The following NPLOC4 variants were observed in gnomAD, a reference collection of about 807,000 sequenced individuals.
NPLOC4 encodes NPL4 homolog, ubiquitin recognition factor, also known as nuclear protein localization protein 4 homolog.
NPLOC4 carries 18 observed loss-of-function variants against 80.6 expected under a neutral mutation model. The observed-to-expected ratio is 0.22, with a 90% CI of 0.15 to 0.33. NPLOC4 has a LOEUF of 0.33. NPLOC4 is among the 10% of genes least tolerant of loss of function. NPLOC4 has a pLI of 1.00. For missense variants in NPLOC4, 540 were observed against 786.1 expected (o/e 0.69, Z 3.74); for synonymous variants, 313 against 301.5 (o/e 1.04, Z -0.39).
At position 81,569,116 on chromosome 17, in the gene NPLOC4, T is replaced by G; in HGVS notation, c.1354-5A>C. 1 of 1,597,406 alleles carries G rather than the reference T, an allele frequency of 6.3e-7. No homozygotes were observed. Among genetic ancestry groups the G allele is most frequent in the Non-Finnish European group, 8.6e-7 (1 of 1,164,972 alleles). On this transcript the variant is annotated splice_polypyrimidine_tract_variant and splice_region_variant and intron_variant, in intron 13 of 16. Coordinates refer to ENST00000331134, the MANE Select transcript of NPLOC4 (RefSeq NM_017921.4). ...CTTGGGGAAAGTTGTTGTGATCTAA[T>G]GAAGAAAAACACAAACCCATGATAA...
At chr17:81,579,239 G>A (rs916142265) in intron 12 of NPLOC4, among the ~76,000 whole-genome samples, 2 of 152,200 alleles carry the variant, frequency 1.3e-5, no homozygotes, top group Admixed American at 6.5e-5. Flanking sequence ...TTAGCTGGGC[G>A]TGGTGGTGGG....
intron 12 of NPLOC4, among the ~76,000 whole-genome samples, chr17:81,575,807 G>A (rs968195709): frequency 6.6e-6 from 1 of 152,184 alleles, no homozygotes; most frequent in African/African-American, 2.4e-5. Flanking sequence ...TCCACCGCAA[G>A]GGAAGATGCA....
At chr17:81,601,636 TTCGAAAAGCAGCA>T (rs1398063697) in intron 8 of NPLOC4, among the ~76,000 whole-genome samples, 2 of 152,162 alleles carry the variant, frequency 1.3e-5, no homozygotes, top group Non-Finnish European at 2.9e-5. Flanking sequence ...TACTGTGTGC[TTCGAAAAGCAGCA>T]TCCTGAGTAC....
chr17:81,596,094 G>C (rs1219492943), intron 11 of NPLOC4, 22 bp downstream of exon 11: 1 of 1,610,092 alleles, frequency 6.2e-7, no homozygotes, highest in African/African-American at 1.3e-5. Flanking sequence ...AATATTTACA[G>C]TACATACTGT....
rs376812039 is a variant in NPLOC4 at position 81,627,508 on chromosome 17, G to A, written c.96+2217C>T. Reference sequence around the variant, plus strand: ...TAACCCCAGCACTTTGGGAGGCCAAGGCGGGTGGATCACCTGAGGTCAGGA... The same window carrying A: ...TAACCCCAGCACTTTGGGAGGCCAAAGCGGGTGGATCACCTGAGGTCAGGA... On this transcript the variant is annotated intron_variant, in intron 2 of 16. Coordinates refer to ENST00000331134, the MANE Select transcript of NPLOC4 (RefSeq NM_017921.4). Among the ~76,000 whole-genome samples, 706 of 152,336 alleles carry A rather than the reference G, an allele frequency of 4.6e-3. 2 individuals carry two copies. The highest frequency in any genetic ancestry group is 6.7e-3 in the Non-Finnish European group (457 of 68,038).
chr17:81,559,886 C>T (rs551656324), intron 16 of NPLOC4, among the ~76,000 whole-genome samples: 4 of 151,896 alleles, frequency 2.6e-5, no homozygotes, highest in Non-Finnish European at 5.9e-5. Context: ...GCATGAACCA[C>T]AATGCCTGGC....
intron 8 of NPLOC4, 67 bp downstream of exon 8, chr17:81,604,481 T>A: frequency 6.8e-7 from 1 of 1,476,208 alleles, no homozygotes; most frequent in Non-Finnish European, 9.2e-7. Flanking sequence ...GCAAGGCCTC[T>A]CCGAAAGGGC....
chr17:81,601,508 T>C (rs1025196552), intron 8 of NPLOC4, among the ~76,000 whole-genome samples: 1 of 152,196 alleles, frequency 6.6e-6, no homozygotes, highest in African/African-American at 2.4e-5. Flanking sequence ...TGATCTGCCT[T>C]GCCCCTACAA....
chr17:81,588,858 G>C (rs2034659404), intron 12 of NPLOC4, 86 bp downstream of exon 12: 2 of 1,195,834 alleles, frequency 1.7e-6, no homozygotes, highest in Non-Finnish European at 2.4e-6. Flanking sequence ...GGCTGCTATA[G>C]GCAGAATGCA....
chr17:81,598,726 G>T (rs2034987351), intron 9 of NPLOC4, among the ~76,000 whole-genome samples: 1 of 152,150 alleles, frequency 6.6e-6, no homozygotes. Flanking sequence ...GGCCACAGGA[G>T]CAGCAGTTGA....
At chr17:81,622,046 A>G (rs1384944193) in intron 3 of NPLOC4, 120 bp downstream of exon 3, 6 of 707,342 alleles carry the variant, frequency 8.5e-6, no homozygotes, top group Non-Finnish European at 1.5e-5. Flanking sequence ...TATTCTGGTC[A>G]GTTGATAAGA....
intron 2 of NPLOC4, among the ~76,000 whole-genome samples, chr17:81,624,047 G>A (rs78291005): frequency 2.0e-5 from 3 of 152,296 alleles, no homozygotes; most frequent in East Asian, 3.9e-4. Flanking sequence ...CACTTCGGGA[G>A]GCCAAGGCGG....
intron 3 of NPLOC4, among the ~76,000 whole-genome samples, chr17:81,617,869 C>A (rs1425835994): frequency 6.6e-6 from 1 of 152,166 alleles, no homozygotes; most frequent in African/African-American, 2.4e-5. Context: ...CTGTGTTGGC[C>A]GGGCTGGTCT....
intron 12 of NPLOC4, among the ~76,000 whole-genome samples, chr17:81,575,997 A>G (rs2034287604): frequency 6.8e-6 from 1 of 147,634 alleles, no homozygotes; most frequent in Non-Finnish European, 1.5e-5. Flanking sequence ...GTGCCAGCAA[A>G]TACAAGTGGG....
chr17:81,574,445 A>G (rs1182238531), intron 12 of NPLOC4, among the ~76,000 whole-genome samples: 1 of 152,084 alleles, frequency 6.6e-6, no homozygotes, highest in African/African-American at 2.4e-5. Context: ...TCGCCAGCCA[A>G]TCCCTAGGCC....
chr17:81,592,749 C>A (rs539881192), intron 11 of NPLOC4, among the ~76,000 whole-genome samples: 1 of 152,060 alleles, frequency 6.6e-6, no homozygotes, highest in South Asian at 2.1e-4. Flanking sequence ...TTTTTGAGGC[C>A]GAGACAGGCG....
intron 4 of NPLOC4, among the ~76,000 whole-genome samples, chr17:81,611,176 C>A (rs2035329577): frequency 6.6e-6 from 1 of 151,646 alleles, no homozygotes; most frequent in African/African-American, 2.4e-5. Flanking sequence ...AAAAATTAGC[C>A]GGACGTGGTG....
At chr17:81,583,038 G>A (rs551936769) in intron 12 of NPLOC4, among the ~76,000 whole-genome samples, 26 of 152,404 alleles carry the variant, frequency 1.7e-4, no homozygotes, top group Admixed American at 1.0e-3. Context: ...AGCAGCCACT[G>A]CCACGTGACG....
At chr17:81,603,632 T>A (rs1269517253) in intron 8 of NPLOC4, among the ~76,000 whole-genome samples, 1 of 152,124 alleles carries the variant, frequency 6.6e-6, no homozygotes. Flanking sequence ...ATTTCTAACA[T>A]ACAGCTAATT....
Sources: allele counts gnomAD v4.1 joint callset (sites outside exome capture counted in the v4.1 genomes callset), GRCh38; gene constraint gnomAD v4.1.1; transcripts MANE v1.5; gene names NCBI Gene and HGNC (gene_info 2026-07-23, HGNC 2026-07-21).